Variants in ERBIN observed in about 807,000 individuals in gnomAD.
ERBIN encodes the protein densin-180-like protein.
Under a neutral mutation model 158.4 loss-of-function variants are expected in ERBIN, and 60 were observed. The ratio of observed to expected loss-of-function variants is 0.38; its 90% CI spans 0.31 to 0.47. The LOEUF is 0.47. Among genes scored for constraint, ERBIN ranks in the 20% least tolerant of loss-of-function variants. The probability of loss-of-function intolerance (pLI) is 0.99; values close to 1 mark genes in which losing one functional copy is unlikely to be tolerated. For synonymous variants in ERBIN, 594 were observed against 557.2 expected (o/e 1.07, Z -0.93); for missense variants, 1,610 against 1,648.0 (o/e 0.98, Z 0.40).
At chr5:66,063,667 C>A (rs556144480) in intron 21 of ERBIN, among the ~76,000 whole-genome samples, 1 of 152,090 alleles carries the variant, frequency 6.6e-6, no homozygotes, top group Non-Finnish European at 1.5e-5. Flanking sequence ...TGTTCCTATT[C>A]GGCCATCTTG....
At chr5:66,066,499 T>C (rs1761002075) in intron 21 of ERBIN, among the ~76,000 whole-genome samples, 1 of 146,694 alleles carries the variant, frequency 6.8e-6, no homozygotes, top group Non-Finnish European at 1.5e-5. Flanking sequence ...TAGTCACCCC[T>C]CTTAACCTCC....
intron 23 of ERBIN, 49 bp from the exon 24 acceptor site, chr5:66,076,267 A>G (rs1399947571): frequency 1.4e-6 from 2 of 1,441,134 alleles, no homozygotes; most frequent in East Asian, 2.3e-5. Flanking sequence ...TTGTTGCATT[A>G]TAACTTTTTC....
intron 1 of ERBIN, among the ~76,000 whole-genome samples, chr5:65,939,676 G>T (rs998567743): frequency 4.1e-4 from 6 of 14,626 alleles, no homozygotes; most frequent in African/African-American, 6.5e-4. Flanking sequence ...CCTGCCGAGT[G>T]CCTGCGATTG....
chr5:66,031,027 G>A (rs895066051), intron 14 of ERBIN, among the ~76,000 whole-genome samples: 1 of 152,084 alleles, frequency 6.6e-6, no homozygotes, highest in African/African-American at 2.4e-5. Flanking sequence ...AAAATTGTAT[G>A]GTAGGAGTCT....
At chr5:65,950,444 A>G (rs745489960) in intron 1 of ERBIN, among the ~76,000 whole-genome samples, 5 of 152,036 alleles carry the variant, frequency 3.3e-5, no homozygotes, top group Non-Finnish European at 5.9e-5. Context: ...TAGATTGTGG[A>G]TATTTAGAAA....
At chr5:66,074,921 A>G in intron 22 of ERBIN, 103 bp from the exon 23 acceptor site, 1 of 946,496 alleles carries the variant, frequency 1.1e-6, no homozygotes, top group Non-Finnish European at 1.6e-6. Flanking sequence ...CTTAATTAGA[A>G]TGTGAAAACT....
At chr5:65,962,295 A>T (rs1748009194) in intron 1 of ERBIN, among the ~76,000 whole-genome samples, 1 of 152,210 alleles carries the variant, frequency 6.6e-6, no homozygotes, top group Non-Finnish European at 1.5e-5. Context: ...GCCATTATGA[A>T]AATTTTATTG....
intron 13 of ERBIN, 41 bp downstream of exon 13, chr5:66,026,458 T>C (rs762092548): frequency 8.8e-7 from 1 of 1,135,640 alleles, no homozygotes; most frequent in East Asian, 2.6e-5. Flanking sequence ...ATAGGAGACA[T>C]TGGTTAGATG....
At chr5:66,046,281 A>G (rs1458999893) in intron 17 of ERBIN, 72 bp from the exon 18 acceptor site, 1 of 969,656 alleles carries the variant, frequency 1.0e-6, no homozygotes, top group Non-Finnish European at 1.4e-6. Context: ...TTGCTTACAA[A>G]TTTTTATCTG....
chr5:66,054,050 T>G lies in ERBIN; in HGVS notation c.2732T>G (p.Val911Gly). The G allele has an allele frequency of 1.2e-6, 2 of 1,614,154 alleles. No homozygotes were observed. The highest frequency in any genetic ancestry group is 1.7e-6 in the Non-Finnish European group (2 of 1,180,028). ...ITSAVDGKNI[V>G]RSKSATLLYD... Reference sequence around the variant, plus strand: ...TCTGCTGTTGATGGAAAAAATATAGTCAGGAGCAAGTCTGCCACACTGTTG... The same window carrying G: ...TCTGCTGTTGATGGAAAAAATATAGGCAGGAGCAAGTCTGCCACACTGTTG... The change falls in exon 21 of 26, where the codon GTC (valine) becomes GGC (glycine). Residue 911 changes from valine (V) to glycine (G), a missense_variant. Around this residue, in one of 2 missense-constraint regions of ERBIN, gnomAD observed 1,014 missense variants for 936.1 expected, o/e 1.08. Coordinates refer to ENST00000284037, the MANE Select transcript of ERBIN (RefSeq NM_001253697.2).
chr5:65,963,563 A>G (rs746929948), intron 1 of ERBIN, among the ~76,000 whole-genome samples: 1 of 151,956 alleles, frequency 6.6e-6, no homozygotes, highest in Non-Finnish European at 1.5e-5. Flanking sequence ...GTGCCATTGC[A>G]CTCCAGCCTG....
chr5:66,068,784 G>T (rs1013362592), intron 21 of ERBIN: 16 of 1,117,702 alleles, frequency 1.4e-5, no homozygotes, highest in Middle Eastern at 2.8e-4. Flanking sequence ...TCTGGTTTTG[G>T]GGTTACTTGT....
At chr5:66,029,806 G>A (rs1368913223) in intron 14 of ERBIN, among the ~76,000 whole-genome samples, 1 of 151,930 alleles carries the variant, frequency 6.6e-6, no homozygotes, top group African/African-American at 2.4e-5. Flanking sequence ...GGCCAGGATG[G>A]TCTCGATCTC....
At chr5:66,029,562 GT>G in intron 14 of ERBIN, among the ~76,000 whole-genome samples, 1 of 152,016 alleles carries the variant, frequency 6.6e-6, no homozygotes, top group African/African-American at 2.4e-5. Flanking sequence ...GTTCTGTTCT[GT>G]TCTGTTCTGT....
At chr5:66,022,579 T>C (rs1471461312) in intron 8 of ERBIN, among the ~76,000 whole-genome samples, 1 of 152,210 alleles carries the variant, frequency 6.6e-6, no homozygotes, top group African/African-American at 2.4e-5. Flanking sequence ...CAGATGGCTT[T>C]GTGAGGTGAT....
intron 14 of ERBIN, among the ~76,000 whole-genome samples, chr5:66,032,826 C>A (rs1297524294): frequency 6.6e-6 from 1 of 152,068 alleles, no homozygotes; most frequent in Non-Finnish European, 1.5e-5. Context: ...GAGCATGAAG[C>A]AATGCATGTA....
chr5:66,028,146 A>ATT (rs199690791), intron 13 of ERBIN, 128 bp from the exon 14 acceptor site: 2 of 551,476 alleles, frequency 3.6e-6, no homozygotes, highest in African/African-American at 2.0e-5. Flanking sequence ...ACTTTTCTCG[A>ATT]TTTTTTTTTC....
At position 65,965,039 on chromosome 5, in the gene ERBIN, C is replaced by A. The variant is rs184367380; in HGVS notation, c.-57-23596C>A. ...CTCCTGACCTCAAGTGATCCTCCCC[C>A]CTCAGCCTCCCAAAGTACCGGGATT... On this transcript the variant is annotated intron_variant, in intron 1 of 25. Coordinates refer to ENST00000284037, the MANE Select transcript of ERBIN (RefSeq NM_001253697.2). Among the ~76,000 whole-genome samples the A allele has an allele frequency of 5.3e-5, 8 of 151,076 alleles. No individual in the cohort carries two copies. In the East Asian group the frequency reaches 9.7e-4, roughly 18 times the overall value.
At chr5:66,044,843 G>A (rs1176984272) in intron 17 of ERBIN, among the ~76,000 whole-genome samples, 1 of 151,896 alleles carries the variant, frequency 6.6e-6, no homozygotes, top group Non-Finnish European at 1.5e-5. Context: ...TTGGGAGGCC[G>A]AGGTGGGATG....
Sources: allele counts gnomAD v4.1 joint callset (sites outside exome capture counted in the v4.1 genomes callset), GRCh38; gene constraint gnomAD v4.1.1; regional missense constraint gnomAD v4.1.1; transcripts MANE v1.5; gene names NCBI Gene and HGNC (gene_info 2026-07-23, HGNC 2026-07-21).